The following MCTP2 variants were observed in gnomAD, a reference collection of about 807,000 sequenced individuals.
MCTP2 encodes multiple C2 and transmembrane domain-containing protein 2.
Under a neutral mutation model 111.6 loss-of-function variants are expected in MCTP2, and 132 were observed. That is an observed-to-expected ratio of 1.18 (90% CI 1.03 to 1.37). The LOEUF is 1.37. Ranked by LOEUF, MCTP2 falls within the 40% of genes most tolerant of loss-of-function variation. The pLI, the probability that MCTP2 is intolerant of heterozygous loss-of-function variation, is 0.00. For synonymous variants in MCTP2, 395 were observed against 387.7 expected (o/e 1.02, Z -0.22); for missense variants, 1,183 against 1,067.9 (o/e 1.11, Z -1.50).
chr15:94,332,316 T>C (rs2077168554), intron 4 of MCTP2, among the ~76,000 whole-genome samples: 1 of 152,150 alleles, frequency 6.6e-6, no homozygotes, highest in African/African-American at 2.4e-5. Flanking sequence ...ACAGAGTCCA[T>C]CTAAAAGAAG....
intron 1 of MCTP2, among the ~76,000 whole-genome samples, chr15:94,265,536 C>T (rs372576946): frequency 6.6e-6 from 1 of 152,248 alleles, no homozygotes; most frequent in South Asian, 2.1e-4. Flanking sequence ...ATAAGATATA[C>T]ACTACTGTTT....
chr15:94,313,849 TCACTCTTTGA>T (rs1313244630), intron 2 of MCTP2, among the ~76,000 whole-genome samples: 3 of 152,194 alleles, frequency 2.0e-5, no homozygotes, highest in African/African-American at 7.2e-5. Context: ...GTCTCTCAGA[TCACTCTTTGA>T]AACGTTTCCT....
chr15:94,390,538 G>A (rs2080894492), intron 14 of MCTP2, among the ~76,000 whole-genome samples: 1 of 151,746 alleles, frequency 6.6e-6, no homozygotes, highest in South Asian at 2.1e-4. Flanking sequence ...TCTTCTCCAG[G>A]CCATTCCTTT....
chr15:94,239,253 C>T (rs562027003), intron 1 of MCTP2, among the ~76,000 whole-genome samples: 3 of 152,134 alleles, frequency 2.0e-5, no homozygotes, highest in East Asian at 3.9e-4. Context: ...TCTTGCTTAA[C>T]GTAAAAGATA....
intron 17 of MCTP2, among the ~76,000 whole-genome samples, chr15:94,427,852 CT>C (rs200417887): frequency 4.6e-5 from 7 of 151,162 alleles, no homozygotes; most frequent in Admixed American, 6.6e-5. Context: ...GATTTCACAG[CT>C]TTTTTTTTAA....
chr15:94,286,859 G>A (rs953109092), intron 1 of MCTP2, among the ~76,000 whole-genome samples: 1 of 152,122 alleles, frequency 6.6e-6, no homozygotes, highest in Non-Finnish European at 1.5e-5. Flanking sequence ...TTTGGAGAGG[G>A]AAAATGCATA....
intron 1 of MCTP2, among the ~76,000 whole-genome samples, chr15:94,245,530 A>T (rs1302486682): frequency 7.1e-6 from 1 of 141,806 alleles, no homozygotes; most frequent in Non-Finnish European, 1.5e-5. Context: ...ATATATTTAT[A>T]TACATACATG....
At chr15:94,262,740 G>A (rs529762941) in intron 1 of MCTP2, among the ~76,000 whole-genome samples, 5 of 151,824 alleles carry the variant, frequency 3.3e-5, no homozygotes, top group South Asian at 4.2e-4. Flanking sequence ...GAGTGATCTC[G>A]GCTCACTGCA....
intron 11 of MCTP2, among the ~76,000 whole-genome samples, chr15:94,368,129 T>C (rs2079296086): frequency 6.6e-6 from 1 of 152,208 alleles, no homozygotes; most frequent in African/African-American, 2.4e-5. Context: ...TTAATATGAG[T>C]TCACAAATAA....
At chr15:94,362,105 A>C (rs1054371674) in intron 10 of MCTP2, among the ~76,000 whole-genome samples, 4 of 152,164 alleles carry the variant, frequency 2.6e-5, no homozygotes, top group African/African-American at 7.2e-5. Flanking sequence ...CCATCGCCTG[A>C]AACTGTGTTG....
At chr15:94,388,267 C>G (rs1032169687) in intron 14 of MCTP2, among the ~76,000 whole-genome samples, 4 of 152,196 alleles carry the variant, frequency 2.6e-5, no homozygotes, top group African/African-American at 7.2e-5. Context: ...CCATTCCTTT[C>G]AGGGACTTCG....
At chr15:94,445,656 G>C (rs1211537951) in intron 19 of MCTP2, among the ~76,000 whole-genome samples, 1 of 152,136 alleles carries the variant, frequency 6.6e-6, no homozygotes, top group Non-Finnish European at 1.5e-5. Context: ...CAGTCACTGG[G>C]TGGCTCCCCG....
chr15:94,354,232 C>G (rs1188323218), intron 8 of MCTP2, among the ~76,000 whole-genome samples: 1 of 152,024 alleles, frequency 6.6e-6, no homozygotes, highest in Non-Finnish European at 1.5e-5. Context: ...ACCTGCAGAA[C>G]CTATGTGTGT....
At position 94,385,477 on chromosome 15, in the gene MCTP2, A is replaced by G; in HGVS notation, c.1740A>G (p.Gly580=). ...VLEVTVFDED[G]DKPPDFLGKV... is the part of the protein sequence containing the mutation. ...AAGTGACAGTGTTTGATGAAGATGG[A>G]GATAAACCCCCAGATTTTCTTGGAA... Residue 580 remains glycine (G), a synonymous_variant, in exon 14 of 23, where the codon GGA becomes GGG. Transcript: ENST00000357742. 1 of 1,613,500 alleles carries G rather than the reference A, an allele frequency of 6.2e-7. No individual in the cohort carries two copies. Among genetic ancestry groups the G allele is most frequent in the Non-Finnish European group, 8.5e-7 (1 of 1,179,652 alleles).
intron 1 of MCTP2, among the ~76,000 whole-genome samples, chr15:94,270,442 C>G (rs1433801621): frequency 2.0e-5 from 3 of 152,158 alleles, no homozygotes; most frequent in African/African-American, 7.2e-5. Context: ...CCATTTTTAA[C>G]CTTTAGTGGT....
chr15:94,370,072 C>A lies in MCTP2; in HGVS notation c.1489-15C>A. On this transcript the variant is annotated splice_polypyrimidine_tract_variant and intron_variant, in intron 11 of 22. Coordinates refer to ENST00000357742, the MANE Select transcript of MCTP2 (RefSeq NM_001385001.1). ...AAAAAGCTGTTTTCACTTGTATCAC[C>A]TTTTCAACCCTCAGTGCTTACAGAA... 1 of 1,594,626 alleles carries A rather than the reference C, an allele frequency of 6.3e-7. No homozygotes were observed. The highest frequency in any genetic ancestry group is 8.5e-7 in the Non-Finnish European group (1 of 1,170,124).
chr15:94,276,866 T>A (rs1260321721), intron 1 of MCTP2, among the ~76,000 whole-genome samples: 2 of 147,016 alleles, frequency 1.4e-5, no homozygotes, highest in Admixed American at 6.8e-5. Context: ...AAAAGAGATA[T>A]GTTCTTAGCC....
rs73453801 is a variant in MCTP2, at chr15:94,476,175, C to T, written c.2471-521C>T. Among the ~76,000 whole-genome samples the T allele has an allele frequency of 5.5e-3, 844 of 152,260 alleles. 4 individuals are homozygous for T. Among genetic ancestry groups the T allele is most frequent in the African/African-American group, 0.019 (776 of 41,530 alleles). ...ATGACTGCGGTTTTCTTTGTAACAA[C>T]AAGAAAACAACTCCCGCCCTCTACC... On this transcript the variant is annotated intron_variant, in intron 21 of 22. Coordinates refer to ENST00000357742, the MANE Select transcript of MCTP2 (RefSeq NM_001385001.1).
At chr15:94,355,893 C>G in intron 8 of MCTP2, 1 of 1,057,130 alleles carries the variant, frequency 9.5e-7, no homozygotes, top group Non-Finnish European at 1.1e-6. Flanking sequence ...GAGTACCGGC[C>G]AGTGCCAAGT....
Sources: allele counts gnomAD v4.1 joint callset (sites outside exome capture counted in the v4.1 genomes callset), GRCh38; gene constraint gnomAD v4.1.1; transcripts MANE v1.5; gene names NCBI Gene and HGNC (gene_info 2026-07-23, HGNC 2026-07-21).